Variants in HSPA4 observed in about 807,000 individuals in gnomAD.
The protein encoded by HSPA4 is heat shock 70 kDa protein 4.
In HSPA4, 25 loss-of-function variants were observed where a neutral mutation model predicts 106.2. The observed-to-expected ratio is 0.24, with a 90% CI of 0.17 to 0.33. The LOEUF (loss-of-function observed/expected upper bound fraction) is 0.33. HSPA4 is among the 10% of genes least tolerant of loss of function. The pLI is 1.00. For synonymous variants in HSPA4, 332 were observed against 333.6 expected (o/e 1.00, Z 0.05); for missense variants, 841 against 996.0 (o/e 0.84, Z 2.10).
At chr5:133,073,608 GTCTTC>G (rs1765411713) in intron 5 of HSPA4, among the ~76,000 whole-genome samples, 1 of 152,304 alleles carries the variant, frequency 6.6e-6, no homozygotes, top group African/African-American at 2.4e-5. Context: ...TTAAAGACTG[GTCTTC>G]TCTTAGACTT....
chr5:133,064,704 A>G (rs1765286881), intron 1 of HSPA4, among the ~76,000 whole-genome samples: 1 of 152,190 alleles, frequency 6.6e-6, no homozygotes, highest in Admixed American at 6.5e-5. Context: ...CTTGAAAAGT[A>G]ATTAGAGGAT....
Position 133,104,215 on chromosome 5 carries a change from C to T in HSPA4, c.2320-18C>T. The T allele has an allele frequency of 1.2e-6, 2 of 1,608,246 alleles. No individual in the cohort carries two copies. The highest frequency in any genetic ancestry group is 1.7e-6 in the Non-Finnish European group (2 of 1,176,536). ...GTTAATTTTATAAGAAACCAGTTTTCTGTCTTACCCATTCCAGGAGCTGAC... is the reference window on the plus strand; with the variant it reads ...GTTAATTTTATAAGAAACCAGTTTTTTGTCTTACCCATTCCAGGAGCTGAC... On this transcript the variant is annotated intron_variant, in intron 18 of 18. Coordinates refer to ENST00000304858, the MANE Select transcript of HSPA4 (RefSeq NM_002154.4).
chr5:133,088,422 T>C lies in HSPA4; in HGVS notation c.1004T>C (p.Ile335Thr), dbSNP rs1329996310. 1.2e-6 allele frequency: 2 copies of C among 1,609,540 alleles called. No homozygotes were observed. The highest frequency in any genetic ancestry group is 1.7e-6 in the Non-Finnish European group (2 of 1,176,174). ...LEQTKLKKED[I>T]YAVEIVGGAT... ...AAAATAGAGTTAAAGAAAGAAGATA[T>C]TTATGCAGTGGAGATAGTTGGTGGT... The change falls in exon 9 of 19, where the codon ATT becomes ACT. Residue 335 changes from isoleucine to threonine, a missense_variant. Transcript: ENST00000304858.
intron 6 of HSPA4, among the ~76,000 whole-genome samples, chr5:133,074,430 C>T (rs529564285): frequency 4.2e-4 from 64 of 152,222 alleles, no homozygotes; most frequent in Admixed American, 2.7e-3. Context: ...GGGCATGTGC[C>T]ACCACGCCCG....
At chr5:133,103,742 G>T in intron 17 of HSPA4, 123 bp from the exon 18 acceptor site, 1 of 744,600 alleles carries the variant, frequency 1.3e-6, no homozygotes, top group South Asian at 2.0e-5. Flanking sequence ...AGATTGTGAG[G>T]CTAAATATGC....
intron 15 of HSPA4, among the ~76,000 whole-genome samples, chr5:133,098,361 G>T (rs1050642343): frequency 6.6e-6 from 1 of 152,110 alleles, no homozygotes; most frequent in African/African-American, 2.4e-5. Context: ...GCCCAGGCTG[G>T]AGTGCGGTGA....
rs373851821 is a variant in HSPA4, at chr5:133,089,516, T to G, written c.1245-46T>G. 6 of 1,587,206 alleles carry G rather than the reference T, an allele frequency of 3.8e-6. No individual in the cohort carries two copies. The African/African-American group carries it at 6.7e-5, about 18-fold the overall frequency. Reference sequence around the variant, plus strand: ...AACCTAGAACACATGGGTAAAAGTGTTAGGAATATCCTGAATTTGTGTTTT... The same window carrying G: ...AACCTAGAACACATGGGTAAAAGTGGTAGGAATATCCTGAATTTGTGTTTT... On this transcript the variant is annotated intron_variant, in intron 10 of 18. Coordinates refer to ENST00000304858, the MANE Select transcript of HSPA4 (RefSeq NM_002154.4).
chr5:133,101,148 C>T (rs1765780113), intron 16 of HSPA4, among the ~76,000 whole-genome samples: 1 of 152,176 alleles, frequency 6.6e-6, no homozygotes, highest in South Asian at 2.1e-4. Flanking sequence ...TTTCAAGTTC[C>T]AGTTATTTCA....
chr5:133,090,064 TTATGTA>T (rs1199179694), intron 11 of HSPA4, among the ~76,000 whole-genome samples: 1 of 152,208 alleles, frequency 6.6e-6, no homozygotes, highest in African/African-American at 2.4e-5. Flanking sequence ...TAATTATAAC[TTATGTA>T]TAAGGTGGTG....
intron 13 of HSPA4, among the ~76,000 whole-genome samples, chr5:133,095,709 T>G (rs752854780): frequency 6.6e-6 from 1 of 152,232 alleles, no homozygotes; most frequent in Non-Finnish European, 1.5e-5. Flanking sequence ...GTAGGAGATA[T>G]GTATTTTATA....
intron 1 of HSPA4, among the ~76,000 whole-genome samples, chr5:133,061,497 C>A (rs144430278): frequency 1.3e-5 from 2 of 152,162 alleles, no homozygotes; most frequent in East Asian, 3.9e-4. Context: ...TTGTGACTTA[C>A]GGCTTATAAA....
chr5:133,096,238 C>T lies in HSPA4; in HGVS notation c.1791C>T (p.Tyr597=). 6 of 1,612,962 alleles carry T rather than the reference C, an allele frequency of 3.7e-6. No homozygotes were observed. Among genetic ancestry groups the T allele is most frequent in the Non-Finnish European group, 4.2e-6 (5 of 1,179,386 alleles). Reference sequence around the variant, plus strand: ...TAGACAGAGAGATGCTCAACTTGTACATTGAAAATGAGGTTGTTATTTAAA... The same window carrying T: ...TAGACAGAGAGATGCTCAACTTGTATATTGAAAATGAGGTTGTTATTTAAA... ...WQIDREMLNL[Y]IENEGKMIMQ... The change falls in exon 14 of 19, where the codon TAC becomes TAT. Residue 597 remains tyrosine (Y), a synonymous_variant. Coordinates refer to ENST00000304858, the MANE Select transcript of HSPA4 (RefSeq NM_002154.4).
chr5:133,096,150 A>C lies in HSPA4; in HGVS notation c.1703A>C (p.Lys568Thr), dbSNP rs1561586128. Residue 568 changes from lysine to threonine, a missense_variant, in exon 14 of 19, where the codon AAG becomes ACG. By Grantham distance (78) the Lys-to-Thr change is moderately conservative. This residue lies in a region of HSPA4 where 328 missense variants were observed against 372.2 expected (regional missense o/e 0.88). Coordinates refer to ENST00000304858, the MANE Select transcript of HSPA4 (RefSeq NM_002154.4). The stretch of plus-strand genomic sequence containing the variant: ...AAGATGGACCAACCACCCCAAGCCA[A>C]GAAGGCAAAAGTGAAGACCAGTACT... ...DKKMDQPPQAKKAKVKTSTVD... is the reference protein window; with the variant it reads ...DKKMDQPPQATKAKVKTSTVD... The C allele has an allele frequency of 6.2e-7, 1 of 1,614,114 alleles. No homozygotes were observed.
intron 4 of HSPA4, among the ~76,000 whole-genome samples, chr5:133,070,920 A>G (rs1765373260): frequency 6.6e-6 from 1 of 152,010 alleles, no homozygotes; most frequent in Non-Finnish European, 1.5e-5. Context: ...AAAAAAATTT[A>G]TGAAACTAGT....
chr5:133,074,202 C>T, intron 6 of HSPA4, 76 bp downstream of exon 6: 1 of 960,984 alleles, frequency 1.0e-6, no homozygotes, highest in East Asian at 2.6e-5. Context: ...ATGATTTTTT[C>T]TCATCTACAA....
chr5:133,095,309 C>A (rs79953178), intron 13 of HSPA4, among the ~76,000 whole-genome samples: 2,368 of 151,858 alleles, frequency 0.016, 30 homozygotes, highest in Middle Eastern at 0.037. Flanking sequence ...CTCAAAAAAA[C>A]AAACAAAAAA....
At chr5:133,089,381 G>A (rs564585749) in intron 10 of HSPA4, among the ~76,000 whole-genome samples, 181 bp from the exon 11 acceptor site, 7 of 152,206 alleles carry the variant, frequency 4.6e-5, no homozygotes, top group Admixed American at 2.0e-4. Context: ...GCAGATTGAC[G>A]TATATTCCTT....
chr5:133,063,359 T>C (rs1765268617), intron 1 of HSPA4, among the ~76,000 whole-genome samples: 2 of 151,832 alleles, frequency 1.3e-5, no homozygotes, highest in African/African-American at 4.8e-5. Flanking sequence ...ACTCAAATGA[T>C]CCACTTGCTT....
chr5:133,097,088 T>A (rs1232314161), intron 14 of HSPA4, 73 bp from the exon 15 acceptor site: 17 of 1,250,458 alleles, frequency 1.4e-5, no homozygotes, highest in Non-Finnish European at 1.8e-5. Context: ...GTCTCTACTT[T>A]TATAATTATA....
Sources: allele counts gnomAD v4.1 joint callset (sites outside exome capture counted in the v4.1 genomes callset), GRCh38; gene constraint gnomAD v4.1.1; regional missense constraint gnomAD v4.1.1; transcripts MANE v1.5; gene names NCBI Gene and HGNC (gene_info 2026-07-23, HGNC 2026-07-21).